The following ARHGAP15 variants were observed in gnomAD, a reference collection of about 807,000 sequenced individuals.
ARHGAP15 encodes rho GTPase-activating protein 15.
In ARHGAP15, 51 loss-of-function variants were observed where a neutral mutation model predicts 63.7. The ratio of observed to expected loss-of-function variants is 0.80; its 90% confidence interval spans 0.64 to 1.01. The LOEUF (loss-of-function observed/expected upper bound fraction) is 1.01. Among genes scored for constraint, ARHGAP15 ranks in the 50% least tolerant of loss-of-function variants. The probability of loss-of-function intolerance (pLI) is 0.00; values close to 1 mark genes in which losing one functional copy is unlikely to be tolerated. For missense variants in ARHGAP15, 560 were observed against 564.6 expected, an observed-to-expected ratio of 0.99 and a Z score of 0.08; for synonymous variants, 191 against 193.8, an observed-to-expected ratio of 0.99 and a Z score of 0.12.
intron 6 of ARHGAP15, among the ~76,000 whole-genome samples, chr2:143,303,060 T>G (rs1041312244): frequency 2.6e-5 from 4 of 152,028 alleles, no homozygotes; most frequent in Non-Finnish European, 5.9e-5. Flanking sequence ...ATAAAAACCC[T>G]AGAAGAAAAC....
intron 13 of ARHGAP15, among the ~76,000 whole-genome samples, chr2:143,725,642 CTA>C (rs1685240896): frequency 6.6e-6 from 1 of 152,152 alleles, no homozygotes; most frequent in East Asian, 1.9e-4. Flanking sequence ...TATGGCAATG[CTA>C]ATATTTGAAC....
At chr2:143,680,758 G>A (rs1380756203) in intron 12 of ARHGAP15, among the ~76,000 whole-genome samples, 2 of 152,156 alleles carry the variant, frequency 1.3e-5, no homozygotes, top group Non-Finnish European at 2.9e-5. Flanking sequence ...CTGCATAGGT[G>A]GCAGAGCCAC....
chr2:143,350,432 T>A (rs995181462), intron 6 of ARHGAP15, among the ~76,000 whole-genome samples: 2 of 152,176 alleles, frequency 1.3e-5, no homozygotes, highest in African/African-American at 4.8e-5. Context: ...GGACCATAAC[T>A]AGTTTCATAT....
intron 8 of ARHGAP15, chr2:143,472,166 A>G (rs193150677): frequency 3.9e-5 from 6 of 152,320 alleles, no homozygotes; most frequent in African/African-American, 1.2e-4. Flanking sequence ...TCATCACTAC[A>G]TAAGGTAACA....
chr2:143,403,178 C>A (rs1289128844), intron 6 of ARHGAP15, among the ~76,000 whole-genome samples: 3 of 151,806 alleles, frequency 2.0e-5, no homozygotes, highest in African/African-American at 7.3e-5. Context: ...CCATATTTTT[C>A]CACCAAAATT....
At chr2:143,569,717 A>G (rs545041406) in intron 11 of ARHGAP15, among the ~76,000 whole-genome samples, 1 of 152,236 alleles carries the variant, frequency 6.6e-6, no homozygotes, top group African/African-American at 2.4e-5. Context: ...CTATTTATTT[A>G]TTTGTTTTTA....
intron 4 of ARHGAP15, among the ~76,000 whole-genome samples, chr2:143,218,321 C>T (rs963500667): frequency 1.4e-5 from 2 of 140,694 alleles, no homozygotes; most frequent in African/African-American, 5.5e-5. Flanking sequence ...TGTTGTTACC[C>T]CAGGTGCACA....
chr2:143,661,720 C>T (rs1307437308), intron 12 of ARHGAP15, among the ~76,000 whole-genome samples: 3 of 152,196 alleles, frequency 2.0e-5, no homozygotes, highest in Non-Finnish European at 2.9e-5. Context: ...GGTGCGCACA[C>T]CGTGCGTGAG....
At chr2:143,222,271 C>T (rs1693033149) in intron 4 of ARHGAP15, among the ~76,000 whole-genome samples, 2 of 152,238 alleles carry the variant, frequency 1.3e-5, no homozygotes, top group Non-Finnish European at 2.9e-5. Context: ...GAATAAATTA[C>T]TTTCACTCCC....
intron 4 of ARHGAP15, among the ~76,000 whole-genome samples, chr2:143,227,185 A>G (rs1370486252): frequency 1.3e-5 from 2 of 152,218 alleles, no homozygotes; most frequent in African/African-American, 2.4e-5. Context: ...CATGACATGA[A>G]CATATATATA....
At chr2:143,644,167 T>C (rs1325913315) in intron 12 of ARHGAP15, among the ~76,000 whole-genome samples, 1 of 152,084 alleles carries the variant, frequency 6.6e-6, no homozygotes, top group Non-Finnish European at 1.5e-5. Context: ...ATTTTTATGT[T>C]AAGGTTTGAT....
At chr2:143,747,884 C>A (rs940272372) in intron 13 of ARHGAP15, among the ~76,000 whole-genome samples, 1 of 151,698 alleles carries the variant, frequency 6.6e-6, no homozygotes, top group African/African-American at 2.4e-5. Context: ...ATATGGTTCT[C>A]AGAACACATA....
At chr2:143,240,756 A>C (rs1255382422) in intron 5 of ARHGAP15, among the ~76,000 whole-genome samples, 1 of 152,214 alleles carries the variant, frequency 6.6e-6, no homozygotes, top group Non-Finnish European at 1.5e-5. Context: ...AATACAGAGA[A>C]GAAAAAAAGG....
At chr2:143,598,555 A>T (rs1273823179) in intron 11 of ARHGAP15, among the ~76,000 whole-genome samples, 1 of 152,154 alleles carries the variant, frequency 6.6e-6, no homozygotes, top group African/African-American at 2.4e-5. Context: ...GTATATAGCC[A>T]CATTATACCT....
intron 6 of ARHGAP15, among the ~76,000 whole-genome samples, chr2:143,381,722 C>A (rs952244549): frequency 6.6e-6 from 1 of 152,016 alleles, no homozygotes; most frequent in African/African-American, 2.4e-5. Context: ...TTTTCCCTTG[C>A]GATTTTTCTT....
rs547109039 is a variant in ARHGAP15, at chr2:143,313,212, TAAAC to T, written c.474+62614_474+62617del. Among the ~76,000 whole-genome samples, 23 of 152,148 alleles carry T rather than the reference TAAAC, an allele frequency of 1.5e-4. 1 individual carries two copies. The South Asian group carries it at 4.6e-3, about 30-fold the overall frequency. Reference sequence around the variant, plus strand: ...ATAATATGGAAGACAGAACAATAAATAAACAGGAAGTCCACTGCACTACCGAGTT... The same window carrying T: ...ATAATATGGAAGACAGAACAATAAATAGGAAGTCCACTGCACTACCGAGTT... On this transcript the variant is annotated intron_variant, in intron 6 of 13. Transcript: ENST00000295095.
chr2:143,154,507 G>A (rs1219215534), intron 1 of ARHGAP15, among the ~76,000 whole-genome samples: 1 of 151,894 alleles, frequency 6.6e-6, no homozygotes. Context: ...ACTGTACACA[G>A]TGCTCGGAGC....
intron 6 of ARHGAP15, among the ~76,000 whole-genome samples, chr2:143,263,077 CA>C (rs1235629522): frequency 5.3e-5 from 8 of 152,016 alleles, no homozygotes; most frequent in Non-Finnish European, 7.4e-5. Flanking sequence ...ATTGAACCCC[CA>C]AAAAACAGGA....
chr2:143,757,425 C>T (rs951179554), intron 13 of ARHGAP15, among the ~76,000 whole-genome samples: 9 of 152,074 alleles, frequency 5.9e-5, no homozygotes, highest in East Asian at 1.9e-4. Flanking sequence ...GCATGAGAGT[C>T]GCTTCAACTT....
Sources: allele counts gnomAD v4.1 joint callset (sites outside exome capture counted in the v4.1 genomes callset), GRCh38; gene constraint gnomAD v4.1.1; transcripts MANE v1.5; gene names NCBI Gene and HGNC (gene_info 2026-07-23, HGNC 2026-07-21).